Variants in MARCHF10 observed in about 807,000 individuals in gnomAD.
The protein encoded by MARCHF10 is membrane associated ring-CH-type finger 10.
In MARCHF10, 64 loss-of-function variants were observed where a neutral mutation model predicts 76.2. That is an observed-to-expected ratio of 0.84 (90% CI 0.69 to 1.03). The LOEUF (loss-of-function observed/expected upper bound fraction) is 1.03. MARCHF10 is among the 50% of genes least tolerant of loss of function. The pLI is 0.00. For synonymous variants in MARCHF10, 340 were observed against 357.5 expected, an observed-to-expected ratio of 0.95 and a Z score of 0.55; for missense variants, 875 against 958.0, an observed-to-expected ratio of 0.91 and a Z score of 1.14.
intron 9 of MARCHF10, among the ~76,000 whole-genome samples, chr17:62,706,703 C>A (rs538689029): frequency 1.3e-5 from 2 of 152,102 alleles, no homozygotes; most frequent in African/African-American, 4.8e-5. Context: ...CTGCACCTAG[C>A]CTGAAGTTTT....
intron 9 of MARCHF10, chr17:62,707,297 C>G (rs531120469): frequency 6.5e-6 from 1 of 152,874 alleles, no homozygotes; most frequent in South Asian, 2.1e-4. Context: ...CATTCTCTGC[C>G]CTCCCTGGCC....
chr17:62,750,987 C>T (rs1181046154), intron 4 of MARCHF10, among the ~76,000 whole-genome samples: 1 of 152,134 alleles, frequency 6.6e-6, no homozygotes, highest in Non-Finnish European at 1.5e-5. Context: ...CCTGATCTGG[C>T]CTTTCTGCTG....
intron 1 of MARCHF10, among the ~76,000 whole-genome samples, chr17:62,806,832 CCT>C (rs1255536082): frequency 1.3e-5 from 2 of 152,156 alleles, no homozygotes; most frequent in Non-Finnish European, 2.9e-5. Context: ...ACGTACCATC[CCT>C]CTGTTTTATG....
chr17:62,802,932 G>A (rs893571841), intron 1 of MARCHF10, among the ~76,000 whole-genome samples: 2 of 152,178 alleles, frequency 1.3e-5, no homozygotes, highest in Admixed American at 1.3e-4. Context: ...GGAAGTAAAT[G>A]ATTAGATTCG....
At position 62,753,110 on chromosome 17, in the gene MARCHF10, CTCTTTT is replaced by C. The variant is rs2091944787; in HGVS notation, c.382+6719_382+6724del. Among the ~76,000 whole-genome samples the C allele has an allele frequency of 2.0e-5, 3 of 152,052 alleles. 1 individual carries two copies. The South Asian group carries it at 6.2e-4, about 32-fold the overall frequency. ...AACCAGAGCTTCTCTCTCTCTCTCT[CTCTTTT>C]TGAGATGGAGCCTTGCTCTGTCGCC... is the stretch of plus-strand genomic sequence containing the variant. On this transcript the variant is annotated intron_variant, in intron 4 of 10. Transcript: ENST00000311269.
At chr17:62,756,910 C>T (rs1484557203) in intron 4 of MARCHF10, among the ~76,000 whole-genome samples, 1 of 152,200 alleles carries the variant, frequency 6.6e-6, no homozygotes, top group Non-Finnish European at 1.5e-5. Context: ...ACTATACAAA[C>T]TTAATTTAAA....
At position 62,729,173 on chromosome 17, in the gene MARCHF10, G is replaced by A. The variant is rs115280818; in HGVS notation, c.1938-4069C>T. 7.7e-3 allele frequency among the ~76,000 whole-genome samples: 1,165 copies of A among 151,912 alleles called. 16 individuals carry two copies. Among genetic ancestry groups the A allele is most frequent in the African/African-American group, 0.027 (1,116 of 41,434 alleles). On this transcript the variant is annotated intron_variant, in intron 6 of 10. Transcript: ENST00000311269. Reference sequence around the variant, plus strand: ...GCCCAGGCTGGTCTTGAATTCCTGAGCTCAAGGAATCTGCCCACCTTGGCC... The same window carrying A: ...GCCCAGGCTGGTCTTGAATTCCTGAACTCAAGGAATCTGCCCACCTTGGCC...
Position 62,701,526 on chromosome 17 carries a change from G to T in MARCHF10, c.*177C>A, listed in dbSNP as rs2089232592. 7.1e-7 allele frequency: 1 copy of T among 1,413,604 alleles called. No individual in the cohort carries two copies. Among genetic ancestry groups the T allele is most frequent in the Non-Finnish European group, 9.5e-7 (1 of 1,050,364 alleles). 87.6% of individuals were successfully genotyped at this position (1,413,604 alleles called of 1,614,324 possible). A position where few individuals can be genotyped will look rare whatever the true frequency, so the allele number is the denominator to read the frequency against. On this transcript the variant is annotated 3_prime_UTR_variant, in exon 11 of 11. Coordinates refer to ENST00000311269, the MANE Select transcript of MARCHF10 (RefSeq NM_152598.4). Reference sequence around the variant, plus strand: ...TGTCTGGGACTAGACTGGTCGCTGTGGCTGCCCATAGATGCTCAAGCCAGA... The same window carrying T: ...TGTCTGGGACTAGACTGGTCGCTGTTGCTGCCCATAGATGCTCAAGCCAGA...
chr17:62,744,554 A>G (rs2091635768), intron 4 of MARCHF10, 26 bp from the exon 5 acceptor site: 1 of 1,609,774 alleles, frequency 6.2e-7, no homozygotes, highest in Admixed American at 1.7e-5. Flanking sequence ...TCTTTTCAAT[A>G]ATTATTTTGT....
chr17:62,783,954 A>G (rs1351388541), intron 3 of MARCHF10, among the ~76,000 whole-genome samples: 4 of 152,200 alleles, frequency 2.6e-5, no homozygotes, highest in Non-Finnish European at 5.9e-5. Flanking sequence ...TACAAAGAGG[A>G]GCTGGTACCA....
chr17:62,716,318 G>A (rs1166962634), intron 8 of MARCHF10, among the ~76,000 whole-genome samples: 2 of 152,166 alleles, frequency 1.3e-5, no homozygotes, highest in East Asian at 3.9e-4. Context: ...CTGGCTGGGT[G>A]TGGTAGCTCA....
intron 1 of MARCHF10, among the ~76,000 whole-genome samples, chr17:62,807,628 G>T (rs1251359410): frequency 6.6e-6 from 1 of 152,080 alleles, no homozygotes; most frequent in East Asian, 1.9e-4. Flanking sequence ...GCCAGACATG[G>T]TGTTGGCCTG....
At chr17:62,728,911 A>G (rs1258421244) in intron 6 of MARCHF10, among the ~76,000 whole-genome samples, 6 of 152,178 alleles carry the variant, frequency 3.9e-5, no homozygotes, top group Non-Finnish European at 7.4e-5. Context: ...GACAAACTCA[A>G]TGGAAAAGAA....
At chr17:62,716,576 C>T (rs1423749226) in intron 8 of MARCHF10, among the ~76,000 whole-genome samples, 11 of 151,696 alleles carry the variant, frequency 7.3e-5, no homozygotes, top group Admixed American at 6.6e-5. Flanking sequence ...TGGGTTGGGC[C>T]TGTGTATCAC....
chr17:62,747,742 T>C (rs556215590), intron 4 of MARCHF10, among the ~76,000 whole-genome samples: 6 of 152,350 alleles, frequency 3.9e-5, no homozygotes, highest in African/African-American at 1.2e-4. Flanking sequence ...ACTTCACAGG[T>C]TGGCAATAAC....
At chr17:62,725,168 G>T in intron 6 of MARCHF10, 64 bp from the exon 7 acceptor site, 16 of 1,449,388 alleles carry the variant, frequency 1.1e-5, no homozygotes, top group Non-Finnish European at 1.5e-5. Flanking sequence ...ACAAATACCA[G>T]TTCCCAGAGC....
intron 3 of MARCHF10, among the ~76,000 whole-genome samples, chr17:62,779,471 G>A (rs993204255): frequency 7.2e-5 from 11 of 152,328 alleles, no homozygotes; most frequent in African/African-American, 2.4e-4. Context: ...GTTTGAAAGT[G>A]GAGAAGCTGA....
At position 62,711,252 on chromosome 17, in the gene MARCHF10, G is replaced by T; in HGVS notation, c.2307C>A (p.His769Gln). Residue 769 changes from histidine to glutamine, a missense_variant, in exon 9 of 11, where the codon CAC (histidine) becomes CAA (glutamine). His to Gln is a conservative substitution (Grantham distance 24). Coordinates refer to ENST00000311269, the MANE Select transcript of MARCHF10 (RefSeq NM_152598.4). This position sits in a 1 kb window ranked among gnomAD's most constrained non-coding sequence, Gnocchi z 4.4. Reference sequence around the variant, plus strand: ...TTACCCTCTCTCTTTCCACCTGGTTGTGGTTGAGCCTCATGAGTTCTGCAA... The same window carrying T: ...TTACCCTCTCTCTTTCCACCTGGTTTTGGTTGAGCCTCATGAGTTCTGCAA... ...QRFAELMRLN[H>Q]NQVERERLSR... 6.2e-7 allele frequency: 1 copy of T among 1,613,978 alleles called. No individual in the cohort carries two copies. Among genetic ancestry groups the T allele is most frequent in the African/African-American group, 1.3e-5 (1 of 75,038 alleles).
chr17:62,735,694 G>GA lies in MARCHF10; in HGVS notation c.1937+236dup, dbSNP rs2091231163. On this transcript the variant is annotated intron_variant, in intron 6 of 10. Transcript: ENST00000311269. ...CAGACTTAAGGGTGTGGTATTCAAG[G>GA]AAAAAAACACTTTGGGAAATAGAGA... is the stretch of plus-strand genomic sequence containing the variant. 4 of 514,776 alleles carry GA rather than the reference G, an allele frequency of 7.8e-6. No individual in the cohort carries two copies. In the South Asian group the frequency reaches 7.9e-5, roughly 10 times the overall value. 31.9% of individuals were successfully genotyped at this position (514,776 alleles called of 1,614,324 possible).
Sources: gnomAD v4.1 joint callset for allele counts (sites outside exome capture counted in the v4.1 genomes callset) on GRCh38, gnomAD v4.1.1 for gene constraint, Gnocchi (gnomAD v3.1) non-coding constraint, MANE v1.5 for transcripts, NCBI Gene and HGNC (gene_info 2026-07-23, HGNC 2026-07-21) for gene names.